Variants in GUCY1A2 observed in about 807,000 individuals in gnomAD.
GUCY1A2 encodes the protein guanylate cyclase 1 soluble subunit alpha 2.
GUCY1A2 carries 27 observed loss-of-function variants against 63.5 expected under a neutral mutation model. The ratio of observed to expected loss-of-function variants is 0.43; its 90% CI spans 0.31 to 0.59. GUCY1A2 has a LOEUF of 0.59. GUCY1A2 is among the 20% of genes least tolerant of loss of function. The probability of loss-of-function intolerance (pLI) is 0.11; values close to 1 mark genes in which losing one functional copy is unlikely to be tolerated. For synonymous variants in GUCY1A2, 364 were observed against 343.5 expected (o/e 1.06, Z -0.66); for missense variants, 768 against 913.3 (o/e 0.84, Z 2.05).
chr11:106,990,249 G>A (rs762117325), intron 1 of GUCY1A2, among the ~76,000 whole-genome samples: 1 of 152,064 alleles, frequency 6.6e-6, no homozygotes, highest in African/African-American at 2.4e-5. Context: ...ACCAAGAGAG[G>A]GTACCCAAAA....
intron 6 of GUCY1A2, among the ~76,000 whole-genome samples, chr11:106,713,637 G>C (rs1378630267): frequency 1.3e-5 from 2 of 150,972 alleles, no homozygotes; most frequent in South Asian, 4.2e-4. Flanking sequence ...CTTCCGAGTA[G>C]CTGGGACTAC....
chr11:106,864,515 T>C (rs1859562675), intron 4 of GUCY1A2, among the ~76,000 whole-genome samples: 3 of 152,156 alleles, frequency 2.0e-5, no homozygotes, highest in Admixed American at 1.3e-4. Context: ...AAGGGAATGC[T>C]TCCAGCTTTT....
intron 1 of GUCY1A2, among the ~76,000 whole-genome samples, chr11:106,997,197 T>C (rs1372269536): frequency 1.3e-5 from 2 of 152,208 alleles, no homozygotes; most frequent in Non-Finnish European, 2.9e-5. Flanking sequence ...ATAGTTTATA[T>C]ACAATATAGG....
intron 4 of GUCY1A2, among the ~76,000 whole-genome samples, chr11:106,876,667 C>G (rs1859753751): frequency 6.6e-6 from 1 of 152,094 alleles, no homozygotes; most frequent in Non-Finnish European, 1.5e-5. Flanking sequence ...ATCTCCTGTC[C>G]TGAGTTTTAA....
intron 4 of GUCY1A2, among the ~76,000 whole-genome samples, chr11:106,868,158 G>T (rs1859621305): frequency 6.6e-6 from 1 of 151,970 alleles, no homozygotes; most frequent in Non-Finnish European, 1.5e-5. Context: ...CTAAAATTTG[G>T]TAGCTATAAA....
chr11:106,961,407 G>A (rs1350696692), intron 3 of GUCY1A2, among the ~76,000 whole-genome samples: 1 of 152,140 alleles, frequency 6.6e-6, no homozygotes, highest in Non-Finnish European at 1.5e-5. Flanking sequence ...ATGTCTGAAT[G>A]TGGATCTTTT....
intron 6 of GUCY1A2, among the ~76,000 whole-genome samples, chr11:106,756,481 G>A (rs1375549174): frequency 3.3e-5 from 5 of 152,160 alleles, no homozygotes; most frequent in African/African-American, 9.7e-5. Context: ...GCAGTGGCTG[G>A]TACTGATTGT....
chr11:106,875,770 G>C (rs1440130192), intron 4 of GUCY1A2, among the ~76,000 whole-genome samples: 1 of 151,992 alleles, frequency 6.6e-6, no homozygotes, highest in Non-Finnish European at 1.5e-5. Flanking sequence ...ATAGGGAAAG[G>C]ATGGAGAAGG....
intron 4 of GUCY1A2, among the ~76,000 whole-genome samples, chr11:106,814,576 C>T (rs1301814743): frequency 6.6e-6 from 1 of 152,042 alleles, no homozygotes; most frequent in Non-Finnish European, 1.5e-5. Context: ...TCTTCATCCA[C>T]ATGGGCTGAA....
chr11:106,844,797 T>G (rs752114202), intron 4 of GUCY1A2, among the ~76,000 whole-genome samples: 2 of 151,742 alleles, frequency 1.3e-5, no homozygotes, highest in South Asian at 2.1e-4. Flanking sequence ...AAGGGCTTAT[T>G]ATGCTATAAA....
At chr11:106,958,541 T>A (rs910163065) in intron 3 of GUCY1A2, among the ~76,000 whole-genome samples, 3 of 152,118 alleles carry the variant, frequency 2.0e-5, no homozygotes, top group Non-Finnish European at 4.4e-5. Flanking sequence ...CTCCTGTCTT[T>A]TCTCATCTTG....
intron 4 of GUCY1A2, among the ~76,000 whole-genome samples, chr11:106,895,207 G>T (rs1008819909): frequency 1.3e-5 from 2 of 152,098 alleles, no homozygotes. Flanking sequence ...AATCTGTAAA[G>T]CTCTATATCT....
intron 6 of GUCY1A2, among the ~76,000 whole-genome samples, chr11:106,751,400 C>G (rs1007527938): frequency 1.3e-5 from 2 of 152,036 alleles, no homozygotes; most frequent in African/African-American, 4.8e-5. Flanking sequence ...AAGACTCTTT[C>G]GAAGTTTTAT....
chr11:106,889,760 A>T (rs1859949614), intron 4 of GUCY1A2, among the ~76,000 whole-genome samples: 1 of 152,178 alleles, frequency 6.6e-6, no homozygotes, highest in South Asian at 2.1e-4. Context: ...ATGGCTTTAC[A>T]TACCTGCCAA....
chr11:106,857,164 ACAG>A (rs1374804251), intron 4 of GUCY1A2, among the ~76,000 whole-genome samples: 2 of 152,208 alleles, frequency 1.3e-5, no homozygotes, highest in East Asian at 1.9e-4. Flanking sequence ...TATGGCTTAA[ACAG>A]CATTTATTTC....
rs1436715243 is a variant in GUCY1A2 at position 106,680,603 on chromosome 11, T to G, written c.*6946A>C. The G allele has an allele frequency of 5.1e-6, 1 of 196,578 alleles. No homozygotes were observed. The highest frequency in any genetic ancestry group is 1.1e-5 in the Non-Finnish European group (1 of 94,832). 12.2% of individuals were successfully genotyped at this position (196,578 alleles called of 1,614,324 possible). A position where few individuals can be genotyped will look rare whatever the true frequency, so the allele number is the denominator to read the frequency against. On this transcript the variant is annotated 3_prime_UTR_variant, in exon 8 of 8. Transcript: ENST00000526355. Reference sequence around the variant, plus strand: ...TTCAAATTAAATATTTTCCATTATTTATTTAACCCAAAACCATTCTTACTA... The same window carrying G: ...TTCAAATTAAATATTTTCCATTATTGATTTAACCCAAAACCATTCTTACTA...
intron 6 of GUCY1A2, among the ~76,000 whole-genome samples, chr11:106,757,812 G>A (rs1424040270): frequency 6.6e-6 from 1 of 152,202 alleles, no homozygotes; most frequent in African/African-American, 2.4e-5. Flanking sequence ...ATGTCTCCCA[G>A]TTAGGCTACA....
At chr11:106,774,576 A>C (rs1168957270) in intron 6 of GUCY1A2, among the ~76,000 whole-genome samples, 8 of 151,872 alleles carry the variant, frequency 5.3e-5, no homozygotes, top group Non-Finnish European at 1.2e-4. Context: ...GTGTCTGGGT[A>C]CTGATTGACA....
At chr11:106,958,814 T>A (rs907534686) in intron 3 of GUCY1A2, among the ~76,000 whole-genome samples, 1 of 152,206 alleles carries the variant, frequency 6.6e-6, no homozygotes, top group Non-Finnish European at 1.5e-5. Flanking sequence ...AAAATAGATG[T>A]TCAGGTTTAT....
Sources: allele counts gnomAD v4.1 joint callset (sites outside exome capture counted in the v4.1 genomes callset), GRCh38; gene constraint gnomAD v4.1.1; transcripts MANE v1.5; gene names NCBI Gene and HGNC (gene_info 2026-07-23, HGNC 2026-07-21).